CNTNAP3B: variants seen among roughly 807,000 people sequenced by gnomAD.
CNTNAP3B encodes the protein contactin-associated protein-like 3B.
In CNTNAP3B, 25 loss-of-function variants were observed where a neutral mutation model predicts 108.9. The ratio of observed to expected loss-of-function variants is 0.23; its 90% CI spans 0.17 to 0.32. The LOEUF is 0.32. CNTNAP3B is among the 10% of genes least tolerant of loss of function. CNTNAP3B has a pLI of 1.00. For synonymous variants in CNTNAP3B, 103 were observed against 473.4 expected (o/e 0.22, Z 10.16); for missense variants, 252 against 1,210.4 (o/e 0.21, Z 11.75).
At chr9:42,093,173 G>A (rs1383194120) in intron 2 of CNTNAP3B, among the ~76,000 whole-genome samples, 1 of 94,920 alleles carries the variant, frequency 1.1e-5, no homozygotes, top group Non-Finnish European at 2.2e-5. Context: ...GTGAAACCCC[G>A]TCTCTACTAA....
At position 42,054,058 on chromosome 9, in the gene CNTNAP3B, C is replaced by A. The variant is rs1301595983; in HGVS notation, c.390+22811G>T. Among the ~76,000 whole-genome samples the A allele has an allele frequency of 2.9e-4, 44 of 151,524 alleles. No homozygotes were observed. In the East Asian group the frequency reaches 6.5e-3, roughly 22 times the overall value. Reference sequence around the variant, plus strand: ...TTTGAACTTCAATACTACTTTAGAGCACAATAAAATATTAAGCTTTACATC... The same window carrying A: ...TTTGAACTTCAATACTACTTTAGAGAACAATAAAATATTAAGCTTTACATC... On this transcript the variant is annotated intron_variant, in intron 3 of 23. Coordinates refer to ENST00000377561, the MANE Select transcript of CNTNAP3B (RefSeq NM_001201380.3).
chr9:42,056,438 C>T lies in CNTNAP3B; in HGVS notation c.390+20431G>A, dbSNP rs545748027. ...CAATCTTGGCTCACTGCAAGCTCCA[C>T]CTCCCGGGTTCACAGCATTCTCCTT... On this transcript the variant is annotated intron_variant, in intron 3 of 23. Coordinates refer to ENST00000377561, the MANE Select transcript of CNTNAP3B (RefSeq NM_001201380.3). Among the ~76,000 whole-genome samples the T allele has an allele frequency of 1.3e-4, 18 of 138,688 alleles. 1 individual carries two copies. Among genetic ancestry groups the T allele is most frequent in the African/African-American group, 4.8e-4 (17 of 35,650 alleles). The allele number at this position is 138,688 out of a possible 152,430, so 91.0% of individuals were successfully genotyped here.
intron 15 of CNTNAP3B, among the ~76,000 whole-genome samples, chr9:41,928,243 A>G (rs1323457700): frequency 6.6e-6 from 1 of 152,254 alleles, no homozygotes; most frequent in Non-Finnish European, 1.5e-5. Flanking sequence ...TTTATTGCTC[A>G]CAGCACAGCA....
At chr9:42,086,434 T>C (rs1344692119) in intron 2 of CNTNAP3B, among the ~76,000 whole-genome samples, 3 of 140,122 alleles carry the variant, frequency 2.1e-5, no homozygotes, top group Admixed American at 7.1e-5. Context: ...GCATTTACTT[T>C]TTTTTTTTAC....
At chr9:41,997,967 A>T (rs1825936448) in intron 5 of CNTNAP3B, among the ~76,000 whole-genome samples, 1 of 91,116 alleles carries the variant, frequency 1.1e-5, no homozygotes, top group Non-Finnish European at 2.1e-5. Context: ...TCTATTACTC[A>T]TGACATTTGG....
In CNTNAP3B at chr9:42,116,858, A is replaced by C. The variant is rs558811241; in HGVS notation, c.86-12119T>G. 9.7e-3 allele frequency among the ~76,000 whole-genome samples: 1,337 copies of C among 138,148 alleles called. 260 individuals carry two copies. The highest frequency in any genetic ancestry group is 0.037 in the African/African-American group (1,262 of 34,470). 90.6% of individuals were successfully genotyped at this position (138,148 alleles called of 152,430 possible). A position where few individuals can be genotyped will look rare whatever the true frequency, so the allele number is the denominator to read the frequency against. ...GCCAAGCAAAGGGAAAACAAAAAAA[A>C]AGCAGGGGTTGGAATCCTAGTCTCT... On this transcript the variant is annotated intron_variant, in intron 1 of 23. Transcript: ENST00000377561.
At chr9:41,983,745 C>T (rs1587175336) in intron 9 of CNTNAP3B, 2 of 88,990 alleles carry the variant, frequency 2.2e-5, no homozygotes, top group African/African-American at 8.5e-5. Flanking sequence ...TACACCAAGG[C>T]ATTAACTAAT....
chr9:41,961,257 C>A lies in CNTNAP3B; in HGVS notation c.1757-365G>T, dbSNP rs1178688350. On this transcript the variant is annotated intron_variant, in intron 11 of 23. Coordinates refer to ENST00000377561, the MANE Select transcript of CNTNAP3B (RefSeq NM_001201380.3). ...GGAATGCGATACTATCTTCAATAGA[C>A]AATCTTTTGGCAATGTCTAGAGACT... is the stretch of plus-strand genomic sequence containing the variant. Among the ~76,000 whole-genome samples, 16 of 152,410 alleles carry A rather than the reference C, an allele frequency of 1.0e-4. No homozygotes were observed. The East Asian group carries it at 2.5e-3, about 24-fold the overall frequency.
rs2118714790 is a variant in CNTNAP3B, at chr9:42,111,267, A to G, written c.86-6528T>C. The stretch of plus-strand genomic sequence containing the variant: ...GAACTCTTGGGAGAAATACCCATTC[A>G]TTCATTCAACAAATATTTGTTGAAA... On this transcript the variant is annotated intron_variant, in intron 1 of 23. Transcript: ENST00000377561. 1.4e-5 allele frequency among the ~76,000 whole-genome samples: 2 copies of G among 139,742 alleles called. 1 individual carries two copies. The highest frequency in any genetic ancestry group is 4.4e-4 in the East Asian group (2 of 4,596). The allele number at this position is 139,742 out of a possible 152,430, so 91.7% of individuals were successfully genotyped here. A position where few individuals can be genotyped will look rare whatever the true frequency, so the allele number is the denominator to read the frequency against.
chr9:41,950,899 G>A (rs1410198667), intron 13 of CNTNAP3B, among the ~76,000 whole-genome samples: 1 of 149,810 alleles, frequency 6.7e-6, no homozygotes, highest in Admixed American at 6.7e-5. Context: ...TAGACTACAG[G>A]CACCCGCCAC....
At chr9:41,945,494 T>C (rs1187772550) in intron 13 of CNTNAP3B, among the ~76,000 whole-genome samples, 1 of 152,302 alleles carries the variant, frequency 6.6e-6, no homozygotes, top group African/African-American at 2.4e-5. Flanking sequence ...GAAACCATCA[T>C]TCTCAGCAAA....
intron 9 of CNTNAP3B, among the ~76,000 whole-genome samples, chr9:41,977,620 C>CTT (rs1174385380): frequency 6.9e-5 from 8 of 116,580 alleles, no homozygotes; most frequent in African/African-American, 1.4e-4. Context: ...TGAATTTTAC[C>CTT]TTTTTTTTTT....
At chr9:42,124,845 T>C (rs2605851) in intron 1 of CNTNAP3B, among the ~76,000 whole-genome samples, 3 of 136,658 alleles carry the variant, frequency 2.2e-5, no homozygotes, top group East Asian at 4.4e-4. Context: ...CATATATAAA[T>C]GAACTGTTAT....
At position 41,925,444 on chromosome 9, in the gene CNTNAP3B, T is replaced by A. The variant is rs1321583754; in HGVS notation, c.2366-1351A>T. Among the ~76,000 whole-genome samples, 20 of 152,222 alleles carry A rather than the reference T, an allele frequency of 1.3e-4. No individual in the cohort carries two copies. In the South Asian group the frequency reaches 4.0e-3, roughly 30 times the overall value. Reference sequence around the variant, plus strand: ...CCGTCTCTACTAAAAATACAAAAAATTAGCCAGGCATGGTGGTGGGTGCCT... The same window carrying A: ...CCGTCTCTACTAAAAATACAAAAAAATAGCCAGGCATGGTGGTGGGTGCCT... On this transcript the variant is annotated intron_variant, in intron 15 of 23. Transcript: ENST00000377561.
At chr9:42,087,551 C>T (rs1827731227) in intron 2 of CNTNAP3B, among the ~76,000 whole-genome samples, 1 of 144,340 alleles carries the variant, frequency 6.9e-6, no homozygotes, top group African/African-American at 2.6e-5. Context: ...CCCTGTGGGC[C>T]TCAGGGGCAA....
intron 3 of CNTNAP3B, among the ~76,000 whole-genome samples, chr9:42,018,813 C>A (rs1463749710): frequency 6.6e-6 from 1 of 151,896 alleles, no homozygotes; most frequent in Non-Finnish European, 1.5e-5. Context: ...GGGCAAGATA[C>A]TCAACCATGC....
At chr9:41,959,488 T>C (rs1468533430) in intron 12 of CNTNAP3B, among the ~76,000 whole-genome samples, 4 of 152,304 alleles carry the variant, frequency 2.6e-5, no homozygotes, top group South Asian at 2.1e-4. Context: ...GATTTCCTCA[T>C]CTTAAAATGA....
At chr9:41,987,851 A>G (rs1825736579) in intron 8 of CNTNAP3B, among the ~76,000 whole-genome samples, 1 of 142,484 alleles carries the variant, frequency 7.0e-6, no homozygotes, top group Admixed American at 7.1e-5. Flanking sequence ...TACATATATT[A>G]TAATAAACTT....
intron 2 of CNTNAP3B, among the ~76,000 whole-genome samples, chr9:42,088,996 C>G (rs1337874476): frequency 4.0e-5 from 5 of 126,146 alleles, no homozygotes; most frequent in Non-Finnish European, 8.2e-5. Flanking sequence ...GTGGGCGAAT[C>G]CCCTGAGGCC....
Sources: allele counts gnomAD v4.1 joint callset (sites outside exome capture counted in the v4.1 genomes callset), GRCh38; gene constraint gnomAD v4.1.1; transcripts MANE v1.5; gene names NCBI Gene and HGNC (gene_info 2026-07-23, HGNC 2026-07-21).